LRP1B: variants seen among roughly 807,000 people sequenced by gnomAD.
The protein encoded by LRP1B is LDL receptor related protein 1B, also known as low-density lipoprotein receptor-related protein 1B.
LRP1B carries 217 observed loss-of-function variants against 556.6 expected under a neutral mutation model. The ratio of observed to expected loss-of-function variants is 0.39; its 90% CI spans 0.35 to 0.44. The LOEUF (loss-of-function observed/expected upper bound fraction) is 0.44, where lower values mean the gene tolerates loss of function less well. LRP1B is among the 20% of genes least tolerant of loss of function. The probability of loss-of-function intolerance (pLI) is 1.00; values close to 1 mark genes in which losing one functional copy is unlikely to be tolerated. For synonymous variants in LRP1B, 2,047 were observed against 1,865.8 expected, an observed-to-expected ratio of 1.10 and a Z score of -2.50; for missense variants, 5,053 against 5,620.8, an observed-to-expected ratio of 0.90 and a Z score of 3.23.
chr2:141,605,372 TTTTTA>T (rs1687881922), intron 2 of LRP1B, among the ~76,000 whole-genome samples: 1 of 147,620 alleles, frequency 6.8e-6, no homozygotes, highest in Non-Finnish European at 1.5e-5. Context: ...TTAAGTTTTA[TTTTTA>T]TTTTATTTTT....
chr2:140,609,198 G>C (rs1682980733), intron 41 of LRP1B, among the ~76,000 whole-genome samples: 1 of 152,136 alleles, frequency 6.6e-6, no homozygotes, highest in Non-Finnish European at 1.5e-5. Context: ...GAGGCTGTGA[G>C]ACCCTATATG....
chr2:140,398,519 T>TGTTGTTG (rs1553459761), intron 66 of LRP1B, among the ~76,000 whole-genome samples: 4 of 151,186 alleles, frequency 2.6e-5, no homozygotes, highest in South Asian at 2.1e-4. Flanking sequence ...TTCTTTCTCT[T>TGTTGTTG]TTGTTGTTGT....
intron 43 of LRP1B, among the ~76,000 whole-genome samples, chr2:140,595,501 A>T (rs1682405914): frequency 6.6e-6 from 1 of 152,142 alleles, no homozygotes; most frequent in Non-Finnish European, 1.5e-5. Context: ...ATTTAATTCC[A>T]TATCATTAAT....
chr2:141,409,221 C>T (rs184737900), intron 3 of LRP1B, among the ~76,000 whole-genome samples: 127 of 152,288 alleles, frequency 8.3e-4, no homozygotes, highest in East Asian at 1.5e-3. Flanking sequence ...AAACTCATCT[C>T]TAATAAAATA....
intron 66 of LRP1B, among the ~76,000 whole-genome samples, chr2:140,412,929 T>G (rs1376983678): frequency 6.6e-6 from 1 of 152,124 alleles, no homozygotes; most frequent in Non-Finnish European, 1.5e-5. Context: ...TGGCAGAATC[T>G]CTAACATCTT....
intron 3 of LRP1B, among the ~76,000 whole-genome samples, chr2:141,289,381 CAAAAAAAAAAA>C (rs34784985): frequency 1.4e-4 from 6 of 43,446 alleles, no homozygotes; most frequent in Admixed American, 5.9e-4. Context: ...GACTCCATCT[CAAAAAAAAAAA>C]AAAAAAAAAA....
chr2:142,086,643 A>ACAAAC (rs60486255), intron 1 of LRP1B, among the ~76,000 whole-genome samples: 1 of 150,836 alleles, frequency 6.6e-6, no homozygotes, highest in African/African-American at 2.4e-5. Flanking sequence ...AAACAAACAA[A>ACAAAC]AAAAAAACAC....
chr2:140,454,869 T>A (rs1226500603), intron 62 of LRP1B, among the ~76,000 whole-genome samples: 1 of 146,154 alleles, frequency 6.8e-6, no homozygotes, highest in Non-Finnish European at 1.6e-5. Context: ...CAAAGAATGC[T>A]GTGATTTTGT....
At chr2:141,398,909 A>T (rs984624092) in intron 3 of LRP1B, among the ~76,000 whole-genome samples, 2 of 152,172 alleles carry the variant, frequency 1.3e-5, no homozygotes, top group Admixed American at 6.5e-5. Context: ...GCTGGCTTAC[A>T]GAGGCTGCAC....
chr2:141,713,132 C>T (rs1451456756), intron 2 of LRP1B, among the ~76,000 whole-genome samples: 3 of 149,950 alleles, frequency 2.0e-5, no homozygotes, highest in African/African-American at 7.4e-5. Flanking sequence ...CAGTGGTCTA[C>T]CCACCTTGGC....
intron 2 of LRP1B, among the ~76,000 whole-genome samples, chr2:141,654,440 T>A (rs925621347): frequency 1.3e-5 from 2 of 152,072 alleles, no homozygotes; most frequent in African/African-American, 4.8e-5. Flanking sequence ...ACAGGGAAAT[T>A]TATTGGGAAG....
In LRP1B at chr2:141,666,500, C is replaced by T. The variant is rs113221399; in HGVS notation, c.205+143779G>A. Among the ~76,000 whole-genome samples the T allele has an allele frequency of 1.7e-3, 254 of 152,282 alleles. 1 individual carries two copies. Among genetic ancestry groups the T allele is most frequent in the African/African-American group, 5.8e-3 (242 of 41,562 alleles). On this transcript the variant is annotated intron_variant, in intron 2 of 90. Coordinates refer to ENST00000389484, the MANE Select transcript of LRP1B (RefSeq NM_018557.3). ...TCCTAGGTACATCCTTTCAAGTTTACTTTACATACTGATTTCTCCACATTA... is the reference window on the plus strand; with the variant it reads ...TCCTAGGTACATCCTTTCAAGTTTATTTTACATACTGATTTCTCCACATTA...
intron 7 of LRP1B, among the ~76,000 whole-genome samples, chr2:141,077,547 G>A (rs4954690): frequency 1.3e-5 from 2 of 152,072 alleles, no homozygotes; most frequent in Non-Finnish European, 1.5e-5. Flanking sequence ...GCTGTTTTGA[G>A]GGTACTTCGT....
At chr2:141,405,200 A>C (rs1387991310) in intron 3 of LRP1B, among the ~76,000 whole-genome samples, 1 of 152,198 alleles carries the variant, frequency 6.6e-6, no homozygotes, top group East Asian at 1.9e-4. Context: ...ATAGTAGTAA[A>C]AATTATACAG....
At chr2:140,295,018 A>T (rs1683542781) in intron 84 of LRP1B, among the ~76,000 whole-genome samples, 1 of 152,008 alleles carries the variant, frequency 6.6e-6, no homozygotes, top group Non-Finnish European at 1.5e-5. Flanking sequence ...CTGGGACTAC[A>T]GGTGCCCGCC....
At chr2:141,647,279 T>C (rs1421451226) in intron 2 of LRP1B, among the ~76,000 whole-genome samples, 1 of 152,186 alleles carries the variant, frequency 6.6e-6, no homozygotes, top group African/African-American at 2.4e-5. Flanking sequence ...GAGTAAAATG[T>C]CCAAGGAAAC....
chr2:141,647,166 A>G (rs1689600782), intron 2 of LRP1B, among the ~76,000 whole-genome samples: 1 of 152,188 alleles, frequency 6.6e-6, no homozygotes, highest in Non-Finnish European at 1.5e-5. Flanking sequence ...TGCTTTAGCC[A>G]GGGAATGCTA....
chr2:141,450,887 G>C (rs946724353), intron 3 of LRP1B, among the ~76,000 whole-genome samples: 1 of 152,046 alleles, frequency 6.6e-6, no homozygotes, highest in African/African-American at 2.4e-5. Flanking sequence ...TTATGCCCTA[G>C]GGTCGAAGTA....
At chr2:140,656,791 C>G (rs1684894089) in intron 41 of LRP1B, among the ~76,000 whole-genome samples, 1 of 151,940 alleles carries the variant, frequency 6.6e-6, no homozygotes. Context: ...GTATGAAAGA[C>G]TAAAGGTTGG....
Sources: allele counts gnomAD v4.1 joint callset (sites outside exome capture counted in the v4.1 genomes callset), GRCh38; gene constraint gnomAD v4.1.1; transcripts MANE v1.5; gene names NCBI Gene and HGNC (gene_info 2026-07-23, HGNC 2026-07-21).